Variants in NBEA observed in about 807,000 individuals in gnomAD.
NBEA encodes the protein lysosomal-trafficking regulator 2.
NBEA carries 44 observed loss-of-function variants against 343.4 expected under a neutral mutation model. The observed-to-expected ratio is 0.13, with a 90% CI of 0.10 to 0.16. The LOEUF (loss-of-function observed/expected upper bound fraction) is 0.16. Ranked by LOEUF, NBEA falls within the 10% of genes least tolerant of loss-of-function variation. NBEA has a pLI of 1.00. For synonymous variants in NBEA, 1,175 were observed against 1,238.7 expected, an observed-to-expected ratio of 0.95 and a Z score of 1.08; for missense variants, 2,555 against 3,631.3, an observed-to-expected ratio of 0.70 and a Z score of 7.62.
At chr13:35,448,571 A>G (rs1050452088) in intron 39 of NBEA, among the ~76,000 whole-genome samples, 1 of 152,204 alleles carries the variant, frequency 6.6e-6, no homozygotes, top group Admixed American at 6.5e-5. Flanking sequence ...TGTGCTAGGC[A>G]GTGTGCTAAG....
chr13:35,167,189 C>T (rs2070102819), intron 24 of NBEA, among the ~76,000 whole-genome samples: 1 of 151,958 alleles, frequency 6.6e-6, no homozygotes, highest in Non-Finnish European at 1.5e-5. Flanking sequence ...TTATCTGTCA[C>T]AGCTAGTCAA....
At chr13:35,398,153 G>A (rs1444996856) in intron 38 of NBEA, among the ~76,000 whole-genome samples, 7 of 152,062 alleles carry the variant, frequency 4.6e-5, no homozygotes, top group African/African-American at 9.7e-5. Flanking sequence ...TCAAGAAACC[G>A]TTTTCTTTGT....
chr13:35,073,243 A>G (rs2063954224), intron 10 of NBEA, among the ~76,000 whole-genome samples: 1 of 152,212 alleles, frequency 6.6e-6, no homozygotes, highest in Non-Finnish European at 1.5e-5. Flanking sequence ...ATCAGTTCAT[A>G]TCGATGATTG....
At chr13:35,417,517 T>C (rs547788038) in intron 38 of NBEA, among the ~76,000 whole-genome samples, 1 of 152,278 alleles carries the variant, frequency 6.6e-6, no homozygotes, top group East Asian at 1.9e-4. Context: ...CAGGAGCAGG[T>C]TGTTCAGTTT....
intron 41 of NBEA, among the ~76,000 whole-genome samples, chr13:35,536,778 G>C (rs1305544500): frequency 6.6e-6 from 1 of 152,164 alleles, no homozygotes; most frequent in Non-Finnish European, 1.5e-5. Flanking sequence ...TTTACTCAGT[G>C]ATCCTTGGTT....
chr13:35,521,826 T>A (rs2077727684), intron 41 of NBEA, among the ~76,000 whole-genome samples: 1 of 152,162 alleles, frequency 6.6e-6, no homozygotes. Context: ...GGGAAAGCTT[T>A]TTTGAGAAAG....
intron 31 of NBEA, among the ~76,000 whole-genome samples, chr13:35,202,362 T>G (rs2073081831): frequency 6.6e-6 from 1 of 152,186 alleles, no homozygotes; most frequent in South Asian, 2.1e-4. Flanking sequence ...GTCTTGTGTC[T>G]CCCAAACTTA....
intron 41 of NBEA, among the ~76,000 whole-genome samples, chr13:35,516,015 A>G (rs1351375069): frequency 6.6e-6 from 1 of 152,214 alleles, no homozygotes; most frequent in Non-Finnish European, 1.5e-5. Context: ...TGGGGCATGA[A>G]ATCCCTTCTG....
intron 39 of NBEA, among the ~76,000 whole-genome samples, chr13:35,438,120 A>G (rs1014691030): frequency 6.6e-6 from 1 of 152,150 alleles, no homozygotes; most frequent in African/African-American, 2.4e-5. Context: ...CTGAGGAAAA[A>G]AAAAACATGG....
chr13:35,224,887 C>G (rs2074566788), intron 33 of NBEA, among the ~76,000 whole-genome samples: 1 of 152,086 alleles, frequency 6.6e-6, no homozygotes, highest in Admixed American at 6.6e-5. Context: ...GTCTGCCTCT[C>G]CTTATGCTAA....
intron 33 of NBEA, among the ~76,000 whole-genome samples, chr13:35,213,529 G>GC: frequency 6.6e-6 from 1 of 152,006 alleles, no homozygotes; most frequent in Non-Finnish European, 1.5e-5. Context: ...TGGATCTATT[G>GC]CAAGTGGGGC....
At chr13:35,340,482 A>G (rs565149841) in intron 36 of NBEA, among the ~76,000 whole-genome samples, 41 of 152,196 alleles carry the variant, frequency 2.7e-4, no homozygotes, top group Non-Finnish European at 4.7e-4. Flanking sequence ...GGAATTATTA[A>G]TATTTCTAAA....
chr13:35,041,158 A>T lies in NBEA; in HGVS notation c.520A>T (p.Ile174Leu), dbSNP rs2062632848. 1 of 1,610,408 alleles carries T rather than the reference A, an allele frequency of 6.2e-7. No homozygotes were observed. The highest frequency in any genetic ancestry group is 1.3e-5 in the African/African-American group (1 of 74,820). Residue 174 changes from isoleucine to leucine, a missense_variant, in exon 2 of 59, where the codon ATA becomes TTA. Physicochemically the swap from Ile to Leu is conservative, Grantham distance 5. This residue lies in a region of NBEA where 185 missense variants were observed against 290.6 expected (regional missense o/e 0.64). Coordinates refer to ENST00000379939, the MANE Select transcript of NBEA (RefSeq NM_001385012.1). ...GAAAATGAGTGCTGTAGATGACATG[A>T]TAGCAGGTATGGGGTTGTCTGACAG... is the stretch of plus-strand genomic sequence containing the variant. ...LLKMSAVDDM[I>L]ADLLVDMLGV...
At chr13:35,039,622 G>A (rs1351100117) in intron 1 of NBEA, among the ~76,000 whole-genome samples, 1 of 152,064 alleles carries the variant, frequency 6.6e-6, no homozygotes, top group Non-Finnish European at 1.5e-5. Context: ...GATAATAATA[G>A]TGTCATAATA....
chr13:35,347,535 A>ATT (rs113506427), intron 36 of NBEA, among the ~76,000 whole-genome samples: 9 of 151,644 alleles, frequency 5.9e-5, no homozygotes, highest in Admixed American at 3.9e-4. Flanking sequence ...TTTAAATATT[A>ATT]TTTTTTTTAA....
At chr13:35,439,201 A>G (rs1286771194) in intron 39 of NBEA, among the ~76,000 whole-genome samples, 1 of 152,148 alleles carries the variant, frequency 6.6e-6, no homozygotes, top group Non-Finnish European at 1.5e-5. Flanking sequence ...GCTCCCCACA[A>G]CAATGACAAC....
chr13:35,544,308 G>T (rs1452955038), intron 41 of NBEA, among the ~76,000 whole-genome samples: 1 of 152,106 alleles, frequency 6.6e-6, no homozygotes, highest in Non-Finnish European at 1.5e-5. Context: ...AAAAAAATTT[G>T]TAATACTTGT....
At chr13:35,249,151 C>CAAAA (rs1179922550) in intron 34 of NBEA, among the ~76,000 whole-genome samples, 16 of 49,582 alleles carry the variant, frequency 3.2e-4, no homozygotes, top group South Asian at 7.8e-4. Flanking sequence ...CTCCATCTTA[C>CAAAA]AAAAAAAAAA....
chr13:35,112,554 C>G (rs2066269324), intron 13 of NBEA, among the ~76,000 whole-genome samples: 1 of 152,142 alleles, frequency 6.6e-6, no homozygotes, highest in African/African-American at 2.4e-5. Context: ...AAATGCTACA[C>G]TATGATAGAG....
Sources: allele counts gnomAD v4.1 joint callset (sites outside exome capture counted in the v4.1 genomes callset), GRCh38; gene constraint gnomAD v4.1.1; regional missense constraint gnomAD v4.1.1; transcripts MANE v1.5; gene names NCBI Gene and HGNC (gene_info 2026-07-23, HGNC 2026-07-21).